CNTNAP5: variants seen among roughly 807,000 people sequenced by gnomAD.
CNTNAP5 encodes contactin associated protein family member 5, also known as contactin-associated protein-like 5.
Under a neutral mutation model 150.2 loss-of-function variants are expected in CNTNAP5, and 72 were observed. The ratio of observed to expected loss-of-function variants is 0.48; its 90% CI spans 0.40 to 0.58. CNTNAP5 has a LOEUF of 0.58. CNTNAP5 is among the 20% of genes least tolerant of loss of function. The probability of loss-of-function intolerance (pLI) is 0.00; values close to 1 mark genes in which losing one functional copy is unlikely to be tolerated. For missense variants in CNTNAP5, 1,636 were observed against 1,626.2 expected, an observed-to-expected ratio of 1.01 and a Z score of -0.10; for synonymous variants, 672 against 619.8, an observed-to-expected ratio of 1.08 and a Z score of -1.25.
intron 6 of CNTNAP5, among the ~76,000 whole-genome samples, chr2:124,454,905 G>A (rs988334302): frequency 1.4e-4 from 21 of 152,028 alleles, no homozygotes; most frequent in Admixed American, 1.2e-3. Flanking sequence ...AGGGCTAAGA[G>A]GAAAGTTCAT....
At chr2:124,601,960 C>A (rs1696995191) in intron 11 of CNTNAP5, among the ~76,000 whole-genome samples, 1 of 152,126 alleles carries the variant, frequency 6.6e-6, no homozygotes, top group African/African-American at 2.4e-5. Flanking sequence ...ACAACTGTAA[C>A]CAGACGGGTA....
chr2:124,558,432 T>TTCGGTTTGGGTATACAAAGTTTGG, intron 10 of CNTNAP5, among the ~76,000 whole-genome samples: 1 of 152,030 alleles, frequency 6.6e-6, no homozygotes, highest in South Asian at 2.1e-4. Context: ...GATTGGAAAG[T>TTCGGTTTGGGTATACAAAGTTTGG]AATATCTATT....
In CNTNAP5 at chr2:124,408,923, C is replaced by T. The variant is rs1220053917; in HGVS notation, c.382-8520C>T. On this transcript the variant is annotated intron_variant, in intron 3 of 23. Transcript: ENST00000682447. ...CGAGCTGAGAGAAGGAGGCTTCAGA[C>T]GATCAAATTACTCTGAGCTATGGGA... 2.6e-3 allele frequency among the ~76,000 whole-genome samples: 384 copies of T among 148,498 alleles called. 2 individuals carry two copies. Among genetic ancestry groups the T allele is most frequent in the African/African-American group, 8.3e-3 (338 of 40,846 alleles).
intron 2 of CNTNAP5, among the ~76,000 whole-genome samples, chr2:124,237,630 A>C (rs1686781789): frequency 6.6e-6 from 1 of 152,158 alleles, no homozygotes; most frequent in African/African-American, 2.4e-5. Flanking sequence ...TGAGATCAGG[A>C]GTTCGAGAGC....
At chr2:124,613,752 T>C (rs1677434901) in intron 12 of CNTNAP5, among the ~76,000 whole-genome samples, 1 of 152,126 alleles carries the variant, frequency 6.6e-6, no homozygotes. Context: ...AGGGCAGTCT[T>C]CAGGAGGGGA....
In CNTNAP5 at chr2:124,678,284, C is replaced by A. The variant is rs144335230; in HGVS notation, c.2077+30326C>A. On this transcript the variant is annotated intron_variant, in intron 13 of 23. Coordinates refer to ENST00000682447, the MANE Select transcript of CNTNAP5 (RefSeq NM_001367498.1). ...GTCAGGAATTTCCCCTTTATCCTTT[C>A]TCCTTTCTTGTCAGCATGTAGCTGG... Among the ~76,000 whole-genome samples, 328 of 151,966 alleles carry A rather than the reference C, an allele frequency of 2.2e-3. 3 individuals are homozygous for A. Among genetic ancestry groups the A allele is most frequent in the African/African-American group, 7.6e-3 (316 of 41,542 alleles).
intron 1 of CNTNAP5, among the ~76,000 whole-genome samples, chr2:124,086,693 C>A (rs551482033): frequency 2.0e-5 from 3 of 151,614 alleles, no homozygotes; most frequent in Non-Finnish European, 4.4e-5. Flanking sequence ...TTAATTTCAG[C>A]CCATTTTGTC....
chr2:124,529,944 C>A (rs1695065565), intron 10 of CNTNAP5, among the ~76,000 whole-genome samples: 1 of 152,114 alleles, frequency 6.6e-6, no homozygotes, highest in African/African-American at 2.4e-5. Flanking sequence ...TTTTTGCTGG[C>A]CCCAACCGGG....
chr2:124,537,901 G>C (rs1443251406), intron 10 of CNTNAP5, among the ~76,000 whole-genome samples: 1 of 152,108 alleles, frequency 6.6e-6, no homozygotes, highest in Non-Finnish European at 1.5e-5. Context: ...TTTATTCATG[G>C]AAAACACGGA....
chr2:124,717,627 A>G (rs2105112239), intron 13 of CNTNAP5, among the ~76,000 whole-genome samples: 1 of 152,322 alleles, frequency 6.6e-6, no homozygotes, highest in South Asian at 2.1e-4. Context: ...TCCACAATTT[A>G]AAGAATTGAA....
At chr2:124,843,145 C>T (rs568100980) in intron 19 of CNTNAP5, among the ~76,000 whole-genome samples, 13 of 152,220 alleles carry the variant, frequency 8.5e-5, no homozygotes, top group African/African-American at 3.1e-4. Flanking sequence ...TAAGTGAGAA[C>T]ATACAATGTT....
chr2:124,620,066 A>T (rs1199408730), intron 12 of CNTNAP5, among the ~76,000 whole-genome samples: 2 of 151,294 alleles, frequency 1.3e-5, no homozygotes, highest in African/African-American at 2.4e-5. Flanking sequence ...CATTAATCAC[A>T]CTGCATTATA....
At chr2:124,840,239 G>A (rs1189130270) in intron 19 of CNTNAP5, among the ~76,000 whole-genome samples, 1 of 152,030 alleles carries the variant, frequency 6.6e-6, no homozygotes, top group African/African-American at 2.4e-5. Context: ...TATTCACTGT[G>A]AAGCAACACT....
chr2:124,557,898 T>A (rs1695797304), intron 10 of CNTNAP5, among the ~76,000 whole-genome samples: 1 of 151,982 alleles, frequency 6.6e-6, no homozygotes, highest in South Asian at 2.1e-4. Context: ...ATTCTTGGTG[T>A]GCTTTAGGAA....
intron 18 of CNTNAP5, among the ~76,000 whole-genome samples, chr2:124,791,889 A>G (rs1302706090): frequency 2.0e-5 from 3 of 151,850 alleles, no homozygotes; most frequent in Non-Finnish European, 1.5e-5. Flanking sequence ...CTATTTCCAA[A>G]CTGTTCATTC....
chr2:124,440,290 C>T (rs922875353), intron 5 of CNTNAP5, among the ~76,000 whole-genome samples: 6 of 152,102 alleles, frequency 3.9e-5, no homozygotes, highest in African/African-American at 1.2e-4. Context: ...TGAGGGAATT[C>T]ACGTGACTAG....
chr2:124,462,008 T>C (rs1329738741), intron 6 of CNTNAP5, among the ~76,000 whole-genome samples: 2 of 152,024 alleles, frequency 1.3e-5, no homozygotes, highest in East Asian at 3.9e-4. Flanking sequence ...GTTATTATTA[T>C]GTATGGCATT....
intron 5 of CNTNAP5, among the ~76,000 whole-genome samples, chr2:124,443,419 C>T (rs1463432205): frequency 6.6e-6 from 1 of 151,794 alleles, no homozygotes; most frequent in African/African-American, 2.4e-5. Context: ...GATAAATGCA[C>T]ATTCTATTTT....
intron 13 of CNTNAP5, among the ~76,000 whole-genome samples, chr2:124,683,814 G>A (rs1011559944): frequency 6.6e-6 from 1 of 152,096 alleles, no homozygotes; most frequent in Admixed American, 6.6e-5. Flanking sequence ...AGAAAAAAAA[G>A]TTTTCTAGTC....
Sources: allele counts gnomAD v4.1 joint callset (sites outside exome capture counted in the v4.1 genomes callset), GRCh38; gene constraint gnomAD v4.1.1; transcripts MANE v1.5; gene names NCBI Gene and HGNC (gene_info 2026-07-23, HGNC 2026-07-21).